NALCN: variants seen among roughly 807,000 people sequenced by gnomAD.
The protein encoded by NALCN is sodium leak channel NALCN.
A neutral mutation model predicts 225.3 loss-of-function variants in NALCN; 111 were observed. That is an observed-to-expected ratio of 0.49 (90% CI 0.42 to 0.58). The LOEUF (loss-of-function observed/expected upper bound fraction) is 0.58, where lower values mean the gene tolerates loss of function less well. NALCN is among the 20% of genes least tolerant of loss of function. The probability of loss-of-function intolerance (pLI) is 0.00; values close to 1 mark genes in which losing one functional copy is unlikely to be tolerated. For missense variants in NALCN, 1,378 were observed against 2,202.4 expected, an observed-to-expected ratio of 0.63 and a Z score of 7.49; for synonymous variants, 764 against 769.0, an observed-to-expected ratio of 0.99 and a Z score of 0.11.
At chr13:101,402,050 G>A (rs1223662005) in intron 1 of NALCN, among the ~76,000 whole-genome samples, 2 of 152,076 alleles carry the variant, frequency 1.3e-5, no homozygotes, top group South Asian at 2.1e-4. Flanking sequence ...TTATTTCTCT[G>A]ATAAAAACCA....
At chr13:101,390,870 T>C (rs2047123204) in intron 3 of NALCN, among the ~76,000 whole-genome samples, 1 of 130,646 alleles carries the variant, frequency 7.7e-6, no homozygotes, top group Admixed American at 9.7e-5. Context: ...TAAATGCACT[T>C]GGACACAGGA....
At chr13:101,234,115 C>A (rs1293139702) in intron 12 of NALCN, among the ~76,000 whole-genome samples, 1 of 152,214 alleles carries the variant, frequency 6.6e-6, no homozygotes, top group East Asian at 1.9e-4. Context: ...ATAGCCCCTA[C>A]TACACAATCT....
chr13:101,255,888 G>A (rs575844328), intron 11 of NALCN, among the ~76,000 whole-genome samples: 1 of 152,190 alleles, frequency 6.6e-6, no homozygotes, highest in Admixed American at 6.5e-5. Context: ...CCTTTGCAAC[G>A]TATTCCATGA....
intron 15 of NALCN, among the ~76,000 whole-genome samples, chr13:101,168,272 G>A: frequency 6.6e-6 from 1 of 152,156 alleles, no homozygotes; most frequent in South Asian, 2.1e-4. Flanking sequence ...CCATCTGCAT[G>A]TTGATTTTGC....
chr13:101,180,690 C>G (rs2039171063), intron 14 of NALCN: 1 of 190,966 alleles, frequency 5.2e-6, no homozygotes, highest in South Asian at 1.1e-4. Flanking sequence ...TGCCCCTGGC[C>G]CATGTGGGGC....
At chr13:101,062,164 G>T in intron 40 of NALCN, 46 bp from the exon 41 acceptor site, 1 of 1,603,248 alleles carries the variant, frequency 6.2e-7, no homozygotes, top group Non-Finnish European at 8.5e-7. Context: ...ATTCACCTGA[G>T]ATTTACACCC....
At chr13:101,401,266 T>G (rs1286934483) in intron 1 of NALCN, among the ~76,000 whole-genome samples, 1 of 152,200 alleles carries the variant, frequency 6.6e-6, no homozygotes, top group Non-Finnish European at 1.5e-5. Context: ...TATCCCATGT[T>G]AATGTATACA....
intron 6 of NALCN, among the ~76,000 whole-genome samples, chr13:101,366,640 T>C (rs1008987680): frequency 1.3e-5 from 2 of 152,152 alleles, no homozygotes; most frequent in Admixed American, 6.6e-5. Flanking sequence ...TTTTAAATAA[T>C]AGTATTTCAA....
intron 1 of NALCN, among the ~76,000 whole-genome samples, chr13:101,411,202 TCTTTCTTTTTTTTC>T (rs2047771655): frequency 8.0e-6 from 1 of 124,672 alleles, no homozygotes. Flanking sequence ...AACTTTATCC[TCTTTCTTTTTTTTC>T]CTTTTTTTTT....
chr13:101,137,873 A>G (rs766844645), intron 17 of NALCN, among the ~76,000 whole-genome samples: 2 of 152,186 alleles, frequency 1.3e-5, no homozygotes, highest in Non-Finnish European at 2.9e-5. Context: ...AATGCTAGGT[A>G]TTTAACATTA....
chr13:101,060,380 G>A (rs1369613363), intron 41 of NALCN, among the ~76,000 whole-genome samples: 4 of 140,034 alleles, frequency 2.9e-5, no homozygotes, highest in Non-Finnish European at 6.1e-5. Context: ...CTAGGCTCAA[G>A]CTATGCTCCT....
At position 101,253,226 on chromosome 13, in the gene NALCN, C is replaced by A. The variant is rs183989337; in HGVS notation, c.1266+5217G>T. Among the ~76,000 whole-genome samples the A allele has an allele frequency of 6.0e-4, 91 of 152,150 alleles. 1 individual carries two copies. The East Asian group carries it at 0.016, about 27-fold the overall frequency. On this transcript the variant is annotated intron_variant, in intron 11 of 43. Transcript: ENST00000251127. ...TAATTCTAAATGTAGGTTAATTAATCCAAAGTAACAAAACAAGTCCCCAGC... is the reference window on the plus strand; with the variant it reads ...TAATTCTAAATGTAGGTTAATTAATACAAAGTAACAAAACAAGTCCCCAGC...
intron 14 of NALCN, among the ~76,000 whole-genome samples, chr13:101,180,021 C>T (rs1337773864): frequency 1.3e-5 from 2 of 151,974 alleles, no homozygotes; most frequent in African/African-American, 2.4e-5. Flanking sequence ...CTTACAAGGA[C>T]GCTTGTCATT....
chr13:101,095,325 T>G (rs1037589423), intron 28 of NALCN, among the ~76,000 whole-genome samples: 1 of 152,166 alleles, frequency 6.6e-6, no homozygotes, highest in Non-Finnish European at 1.5e-5. Context: ...TCTGAAGTAT[T>G]AGAAAAATAC....
At chr13:101,157,005 T>C (rs1359469244) in intron 15 of NALCN, among the ~76,000 whole-genome samples, 3 of 152,106 alleles carry the variant, frequency 2.0e-5, no homozygotes, top group Non-Finnish European at 4.4e-5. Context: ...TTCACATTAA[T>C]CCACATATTT....
intron 11 of NALCN, 113 bp downstream of exon 11, chr13:101,258,330 T>C: frequency 7.0e-7 from 1 of 1,419,424 alleles, no homozygotes; most frequent in Non-Finnish European, 9.5e-7. Context: ...GATTCAGCTT[T>C]GGTGAAAGTC....
Position 101,104,098 on chromosome 13 carries a change from T to C in NALCN, c.2889+197A>G, listed in dbSNP as rs758439249. On this transcript the variant is annotated intron_variant, in intron 25 of 43. Transcript: ENST00000251127. The surrounding 1 kb of genome is among the most constrained non-coding windows in gnomAD (Gnocchi z 4.2). ...TTTGAACAATATAACTATCCATAGA[T>C]ATTTATGATGCTCTTAATTTAGATT... 6.6e-6 allele frequency among the ~76,000 whole-genome samples: 1 copy of C among 152,196 alleles called. No homozygotes were observed. The highest frequency in any genetic ancestry group is 1.5e-5 in the Non-Finnish European group (1 of 68,038).
intron 15 of NALCN, among the ~76,000 whole-genome samples, chr13:101,158,470 G>A (rs2038012000): frequency 6.6e-6 from 1 of 152,234 alleles, no homozygotes; most frequent in South Asian, 2.1e-4. Context: ...GGAGAAAGGG[G>A]TGGGGTTCCC....
At chr13:101,172,494 CT>C (rs1298247931) in intron 15 of NALCN, among the ~76,000 whole-genome samples, 1 of 152,216 alleles carries the variant, frequency 6.6e-6, no homozygotes, top group Non-Finnish European at 1.5e-5. Flanking sequence ...CTCCTCTCCC[CT>C]GTATGAGGGC....
Sources: gnomAD v4.1 joint callset for allele counts (sites outside exome capture counted in the v4.1 genomes callset) on GRCh38, gnomAD v4.1.1 for gene constraint, Gnocchi (gnomAD v3.1) non-coding constraint, MANE v1.5 for transcripts, NCBI Gene and HGNC (gene_info 2026-07-23, HGNC 2026-07-21) for gene names.